The following WDR72 variants were observed in gnomAD, a reference collection of about 807,000 sequenced individuals.
WDR72 encodes WD repeat-containing protein 72.
Under a neutral mutation model 124.2 loss-of-function variants are expected in WDR72, and 120 were observed. The ratio of observed to expected loss-of-function variants is 0.97; its 90% CI spans 0.83 to 1.12. WDR72 has a LOEUF of 1.12. WDR72 is among the 50% of genes most tolerant of loss of function. The probability of loss-of-function intolerance (pLI) is 0.00; values close to 1 mark genes in which losing one functional copy is unlikely to be tolerated. For synonymous variants in WDR72, 452 were observed against 441.7 expected, an observed-to-expected ratio of 1.02 and a Z score of -0.29; for missense variants, 1,387 against 1,278.8, an observed-to-expected ratio of 1.08 and a Z score of -1.29.
intron 18 of WDR72, among the ~76,000 whole-genome samples, chr15:53,551,685 AC>A (rs1893735269): frequency 6.6e-6 from 1 of 152,272 alleles, no homozygotes; most frequent in South Asian, 2.1e-4. Context: ...AAAAACAATT[AC>A]CTTAAGAGTC....
At chr15:53,525,312 G>A (rs74017408) in intron 18 of WDR72, among the ~76,000 whole-genome samples, 33,706 of 151,694 alleles carry the variant, frequency 0.22, 3,745 homozygotes, top group South Asian at 0.28. Flanking sequence ...AAATATTTAT[G>A]TTGGTATTTA....
At chr15:53,553,498 CTCTT>C (rs1893818225) in intron 18 of WDR72, among the ~76,000 whole-genome samples, 2 of 152,150 alleles carry the variant, frequency 1.3e-5, no homozygotes, top group Non-Finnish European at 2.9e-5. Context: ...TTTAAGGAGA[CTCTT>C]TCCTGAGTTC....
chr15:53,671,979 A>AAGAGGGAGGGAGAGAGCGAGAGAG lies in WDR72; in HGVS notation c.1766-6235_1766-6212dup, dbSNP rs532187067. On this transcript the variant is annotated intron_variant, in intron 13 of 19. Transcript: ENST00000360509. ...GAGAGGAGAGATGGGGAGAAGGGGA[A>AAGAGGGAGGGAGAGAGCGAGAGAG]AGAGGGAGGGAGAGAGCGAGAGAGA... Among the ~76,000 whole-genome samples the AAGAGGGAGGGAGAGAGCGAGAGAG allele has an allele frequency of 9.7e-3, 1,399 of 144,538 alleles. 34 individuals are homozygous for AAGAGGGAGGGAGAGAGCGAGAGAG. The highest frequency in any genetic ancestry group is 0.033 in the African/African-American group (1,343 of 40,950). 94.8% of individuals were successfully genotyped at this position (144,538 alleles called of 152,430 possible).
intron 9 of WDR72, among the ~76,000 whole-genome samples, chr15:53,708,913 C>T (rs2017459126): frequency 6.6e-6 from 1 of 152,148 alleles, no homozygotes; most frequent in African/African-American, 2.4e-5. Context: ...CCTCATGCAG[C>T]TGCTGGAAGG....
chr15:53,628,301 A>C (rs867106467), intron 14 of WDR72, among the ~76,000 whole-genome samples: 17 of 152,158 alleles, frequency 1.1e-4, no homozygotes, highest in African/African-American at 2.9e-4. Flanking sequence ...CAAAGAAAAA[A>C]ATTATGAAAT....
rs142900315 is a variant in WDR72, at chr15:53,617,184, T to G, written c.1963-941A>C. 5.9e-5 allele frequency among the ~76,000 whole-genome samples: 9 copies of G among 152,010 alleles called. No homozygotes were observed. In the East Asian group the frequency reaches 1.7e-3, roughly 29 times the overall value. ...TTAGGCAGACAAAATAATTCTCCTT[T>G]TGTAAAATTTTACGTACAAATATAT... On this transcript the variant is annotated intron_variant, in intron 14 of 19. Transcript: ENST00000360509.
At chr15:53,674,882 T>G (rs2016112855) in intron 13 of WDR72, among the ~76,000 whole-genome samples, 1 of 151,006 alleles carries the variant, frequency 6.6e-6, no homozygotes, top group South Asian at 2.1e-4. Context: ...CCCTCACGTC[T>G]AATTCTGACC....
intron 18 of WDR72, among the ~76,000 whole-genome samples, chr15:53,527,615 A>T (rs1197394410): frequency 6.6e-6 from 1 of 152,070 alleles, no homozygotes; most frequent in Non-Finnish European, 1.5e-5. Flanking sequence ...CGTCATCTGT[A>T]TAGGCTTTTT....
intron 1 of WDR72, 151 bp downstream of exon 1, chr15:53,759,482 C>T (rs1009994303): frequency 6.6e-6 from 1 of 152,288 alleles, no homozygotes; most frequent in African/African-American, 2.4e-5. Context: ...CACCCTCTTT[C>T]CCGGCCCAGC....
intron 19 of WDR72, among the ~76,000 whole-genome samples, chr15:53,520,369 T>C (rs527971334): frequency 7.9e-5 from 12 of 152,218 alleles, no homozygotes; most frequent in East Asian, 7.7e-4. Context: ...AGTTAGAAGA[T>C]TGACCACATT....
chr15:53,729,176 C>A (rs904688711), intron 2 of WDR72, among the ~76,000 whole-genome samples: 32 of 152,136 alleles, frequency 2.1e-4, no homozygotes, highest in African/African-American at 7.7e-4. Flanking sequence ...ATCAGTTTCT[C>A]AGTTCTGTCC....
At chr15:53,544,856 T>C (rs1481849356) in intron 18 of WDR72, among the ~76,000 whole-genome samples, 1 of 151,900 alleles carries the variant, frequency 6.6e-6, no homozygotes, top group Non-Finnish European at 1.5e-5. Flanking sequence ...CAAACATTCT[T>C]ATACACCAAC....
intron 18 of WDR72, among the ~76,000 whole-genome samples, 168 bp downstream of exon 18, chr15:53,596,911 G>A (rs1171063055): frequency 6.6e-6 from 1 of 152,126 alleles, no homozygotes; most frequent in East Asian, 1.9e-4. Flanking sequence ...AACTTACAGT[G>A]GGTTTAGCCA....
intron 14 of WDR72, among the ~76,000 whole-genome samples, chr15:53,636,023 C>T (rs2014609996): frequency 6.6e-6 from 1 of 152,148 alleles, no homozygotes; most frequent in Non-Finnish European, 1.5e-5. Context: ...GATTCATCCT[C>T]ATGTTGGGGC....
At position 53,716,774 on chromosome 15, in the gene WDR72, C is replaced by T. The variant is rs1211753351; in HGVS notation, c.261-89G>A. ...GTGCCACCAAGTTTTTCTTTAGCAG[C>T]CTGATCATTTATGTGGCTTTTTGTT... On this transcript the variant is annotated intron_variant, in intron 3 of 19. Transcript: ENST00000360509. 19 of 417,380 alleles carry T rather than the reference C, an allele frequency of 4.6e-5. No individual in the cohort carries two copies. In the East Asian group the frequency reaches 5.8e-4, roughly 13 times the overall value. 25.9% of individuals were successfully genotyped at this position (417,380 alleles called of 1,614,324 possible). A position where few individuals can be genotyped will look rare whatever the true frequency, so the allele number is the denominator to read the frequency against.
Position 53,722,677 on chromosome 15 carries a change from T to C in WDR72, c.260+125A>G, listed in dbSNP as rs905756770. The C allele has an allele frequency of 1.0e-4, 83 of 801,312 alleles. 1 individual carries two copies. Among genetic ancestry groups the C allele is most frequent in the Middle Eastern group, 2.4e-4 (1 of 4,130 alleles). 49.6% of individuals were successfully genotyped at this position (801,312 alleles called of 1,614,324 possible). On this transcript the variant is annotated intron_variant, in intron 3 of 19. Transcript: ENST00000360509. Reference sequence around the variant, plus strand: ...TATTCAAACTTTCTATATCTAAATGTTCCTATATGTGAGAGGCACATGTTG... The same window carrying C: ...TATTCAAACTTTCTATATCTAAATGCTCCTATATGTGAGAGGCACATGTTG...
At chr15:53,698,906 T>C (rs2017084745) in intron 13 of WDR72, among the ~76,000 whole-genome samples, 1 of 152,202 alleles carries the variant, frequency 6.6e-6, no homozygotes, top group Non-Finnish European at 1.5e-5. Context: ...TTTACAAATG[T>C]AAGGCAGTAT....
intron 1 of WDR72, among the ~76,000 whole-genome samples, chr15:53,749,392 C>T (rs2018720661): frequency 6.6e-6 from 1 of 152,106 alleles, no homozygotes; most frequent in Admixed American, 6.5e-5. Context: ...ATAAATTATG[C>T]CCATATAAGA....
chr15:53,627,698 C>T (rs894606428), intron 14 of WDR72, among the ~76,000 whole-genome samples: 1 of 151,920 alleles, frequency 6.6e-6, no homozygotes, highest in African/African-American at 2.4e-5. Flanking sequence ...GAAATTCAAA[C>T]ATGAAATAAA....
Sources: gnomAD v4.1 joint callset for allele counts (sites outside exome capture counted in the v4.1 genomes callset) on GRCh38, gnomAD v4.1.1 for gene constraint, MANE v1.5 for transcripts, NCBI Gene and HGNC (gene_info 2026-07-23, HGNC 2026-07-21) for gene names.